Variants in ERC1 observed in about 807,000 individuals in gnomAD.
The protein encoded by ERC1 is RAB6 interacting protein 2.
ERC1 carries 56 observed loss-of-function variants against 132.0 expected under a neutral mutation model. The ratio of observed to expected loss-of-function variants is 0.42; its 90% confidence interval spans 0.34 to 0.53. The LOEUF is 0.53. ERC1 is among the 20% of genes least tolerant of loss of function. The probability of loss-of-function intolerance (pLI) is 0.03; values close to 1 mark genes in which losing one functional copy is unlikely to be tolerated. For synonymous variants in ERC1, 478 were observed against 476.1 expected (o/e 1.00, Z -0.05); for missense variants, 1,202 against 1,349.9 (o/e 0.89, Z 1.72).
At chr12:1,094,883 CCTT>C (rs1943812217) in intron 3 of ERC1, among the ~76,000 whole-genome samples, 1 of 151,876 alleles carries the variant, frequency 6.6e-6, no homozygotes, top group Non-Finnish European at 1.5e-5. Context: ...ATTTACCCTC[CCTT>C]CTTTTTTATT....
chr12:1,033,792 G>C (rs1286680006), intron 2 of ERC1, among the ~76,000 whole-genome samples: 1 of 152,106 alleles, frequency 6.6e-6, no homozygotes, highest in Non-Finnish European at 1.5e-5. Flanking sequence ...ACCACGCCTG[G>C]CTAATTTTTT....
At chr12:1,334,607 G>T (rs1419138751) in intron 15 of ERC1, among the ~76,000 whole-genome samples, 2 of 152,032 alleles carry the variant, frequency 1.3e-5, no homozygotes, top group African/African-American at 2.4e-5. Context: ...CTTTGTACCA[G>T]TTACCAGGCT....
intron 15 of ERC1, among the ~76,000 whole-genome samples, chr12:1,344,055 A>C: frequency 6.6e-6 from 1 of 152,034 alleles, no homozygotes; most frequent in East Asian, 1.9e-4. Flanking sequence ...GTTAGCCAGG[A>C]TGGTCTCGAT....
chr12:1,439,323 C>G (rs754459557), intron 17 of ERC1, among the ~76,000 whole-genome samples: 1 of 152,148 alleles, frequency 6.6e-6, no homozygotes, highest in East Asian at 1.9e-4. Context: ...TTCCTAAAGA[C>G]CATCAGTTAT....
intron 1 of ERC1, chr12:991,600 A>T (rs1201416224): frequency 3.3e-5 from 5 of 149,640 alleles, no homozygotes. Context: ...GGGCTCCGGG[A>T]TCGGGCGGGA....
chr12:1,481,263 C>T (rs557265697), intron 18 of ERC1, among the ~76,000 whole-genome samples: 1 of 152,184 alleles, frequency 6.6e-6, no homozygotes, highest in African/African-American at 2.4e-5. Flanking sequence ...TGTGAATAAT[C>T]CATTTCAGGT....
chr12:1,154,330 T>TATATATATATAC (rs373366048), intron 8 of ERC1, among the ~76,000 whole-genome samples: 4 of 137,474 alleles, frequency 2.9e-5, no homozygotes, highest in African/African-American at 1.1e-4. Context: ...TATATATATA[T>TATATATATATAC]ACACACATAC....
At position 1,180,602 on chromosome 12, in the gene ERC1, G is replaced by C; in HGVS notation, c.1800G>C (p.Arg600=). Residue 600 remains arginine, a synonymous_variant, in exon 9 of 19, where the codon CGG becomes CGC. Coordinates refer to ENST00000360905, the MANE Select transcript of ERC1 (RefSeq NM_178040.4). ...AGCAGATGAGCAGCTTGAAAGAACGGGTCAAATCCTTGCAGGCTGACACCA... is the reference window on the plus strand; with the variant it reads ...AGCAGATGAGCAGCTTGAAAGAACGCGTCAAATCCTTGCAGGCTGACACCA... The part of the protein sequence containing the change: ...KEKQMSSLKE[R]VKSLQADTTN... 6 of 1,613,940 alleles carry C rather than the reference G, an allele frequency of 3.7e-6. No individual in the cohort carries two copies. Among genetic ancestry groups the C allele is most frequent in the Non-Finnish European group, 5.1e-6 (6 of 1,180,002 alleles).
At chr12:1,018,090 A>G (rs1965799963) in intron 1 of ERC1, among the ~76,000 whole-genome samples, 1 of 152,244 alleles carries the variant, frequency 6.6e-6, no homozygotes, top group South Asian at 2.1e-4. Flanking sequence ...CAGGAAGAAC[A>G]GTTTTTTAAA....
At chr12:1,220,869 C>A (rs866887388) in intron 12 of ERC1, among the ~76,000 whole-genome samples, 3 of 152,214 alleles carry the variant, frequency 2.0e-5, no homozygotes, top group African/African-American at 7.2e-5. Context: ...TCTGCTTCAC[C>A]TGGGCCTCGT....
At chr12:1,110,509 TAA>T (rs1402477216) in intron 5 of ERC1, among the ~76,000 whole-genome samples, 162 bp downstream of exon 5, 1 of 152,204 alleles carries the variant, frequency 6.6e-6, no homozygotes, top group African/African-American at 2.4e-5. Flanking sequence ...TCTCCAGAAT[TAA>T]AGTCAGAATT....
intron 15 of ERC1, among the ~76,000 whole-genome samples, chr12:1,336,803 A>AT (rs1366353374): frequency 0.026 from 3,722 of 143,224 alleles, 128 homozygotes; most frequent in African/African-American, 0.082. Context: ...ATCTTTATTA[A>AT]TTTTTTTTTT....
chr12:1,032,541 A>G (rs1968249244), intron 2 of ERC1, among the ~76,000 whole-genome samples: 1 of 152,178 alleles, frequency 6.6e-6, no homozygotes, highest in South Asian at 2.1e-4. Flanking sequence ...TAACTGTGAC[A>G]GGGACCCTCA....
chr12:1,120,476 AC>A (rs1250635179), intron 7 of ERC1, among the ~76,000 whole-genome samples: 2 of 152,168 alleles, frequency 1.3e-5, no homozygotes, highest in Non-Finnish European at 2.9e-5. Context: ...TTATTAGCAT[AC>A]CACTTTTGAC....
intron 8 of ERC1, among the ~76,000 whole-genome samples, chr12:1,176,363 A>C (rs1593974055): frequency 6.6e-6 from 1 of 152,210 alleles, no homozygotes; most frequent in Non-Finnish European, 1.5e-5. Context: ...TAATACACCA[A>C]GTACACCATG....
chr12:1,344,632 A>AC, intron 15 of ERC1, among the ~76,000 whole-genome samples: 1 of 152,354 alleles, frequency 6.6e-6, no homozygotes, highest in African/African-American at 2.4e-5. Context: ...CCAGAGTGGT[A>AC]ATTCCACTTT....
chr12:1,144,933 C>T (rs1251285360), intron 8 of ERC1, among the ~76,000 whole-genome samples: 1 of 151,952 alleles, frequency 6.6e-6, no homozygotes, highest in East Asian at 1.9e-4. Flanking sequence ...CCCTTTTCAC[C>T]ACATCCATGC....
chr12:1,064,429 C>T (rs865832661), intron 2 of ERC1, among the ~76,000 whole-genome samples: 3 of 151,978 alleles, frequency 2.0e-5, no homozygotes, highest in African/African-American at 7.3e-5. Context: ...GGGTCTTGCT[C>T]CATTGCCCAG....
intron 16 of ERC1, 104 bp downstream of exon 16, chr12:1,372,081 G>A: frequency 7.5e-7 from 1 of 1,338,752 alleles, no homozygotes; most frequent in African/African-American, 1.5e-5. Context: ...TTTCATATTA[G>A]ACATCTGATC....
Sources: allele counts gnomAD v4.1 joint callset (sites outside exome capture counted in the v4.1 genomes callset), GRCh38; gene constraint gnomAD v4.1.1; transcripts MANE v1.5; gene names NCBI Gene and HGNC (gene_info 2026-07-23, HGNC 2026-07-21).